The following HDAC4 variants were observed in gnomAD, a reference collection of about 807,000 sequenced individuals.
HDAC4 encodes the protein histone deacetylase 4, also known as histone deacetylase A.
Under a neutral mutation model 135.1 loss-of-function variants are expected in HDAC4, and 16 were observed. The observed-to-expected ratio is 0.12, with a 90% CI of 0.08 to 0.18. HDAC4 has a LOEUF of 0.18. HDAC4 is among the 10% of genes least tolerant of loss of function. HDAC4 has a pLI of 1.00. For synonymous variants in HDAC4, 685 were observed against 653.4 expected (o/e 1.05, Z -0.74); for missense variants, 1,143 against 1,511.8 (o/e 0.76, Z 4.05).
At chr2:239,187,318 T>C (rs1229980483) in intron 4 of HDAC4, among the ~76,000 whole-genome samples, 3 of 152,308 alleles carry the variant, frequency 2.0e-5, no homozygotes, top group African/African-American at 7.2e-5. Context: ...GTTGCCAACA[T>C]GCAGAATACG....
At chr2:239,333,304 C>T (rs988698285) in intron 2 of HDAC4, among the ~76,000 whole-genome samples, 3 of 151,972 alleles carry the variant, frequency 2.0e-5, no homozygotes, top group Non-Finnish European at 2.9e-5. Flanking sequence ...GGGAAAAAAA[C>T]GTGCAATAGA....
intron 6 of HDAC4, chr2:239,162,174 T>C (rs1160195194): frequency 2.2e-6 from 1 of 456,680 alleles, no homozygotes; most frequent in Non-Finnish European, 4.4e-6. Context: ...TCCCAGACTC[T>C]GTGCTCCTCT....
intron 17 of HDAC4, among the ~76,000 whole-genome samples, chr2:239,093,356 A>G (rs1433983669): frequency 6.6e-6 from 1 of 152,096 alleles, no homozygotes; most frequent in Non-Finnish European, 1.5e-5. Flanking sequence ...GTGTGCCCAC[A>G]CTTCGGCTCC....
chr2:239,236,526 G>A, intron 3 of HDAC4, 67 bp downstream of exon 3: 2 of 1,275,414 alleles, frequency 1.6e-6, no homozygotes, highest in Non-Finnish European at 2.2e-6. Flanking sequence ...CAATAAGGCA[G>A]AGCGTCTGAA....
rs1322123802 is a variant in HDAC4, at chr2:239,239,010, C to A, written c.23-2346G>T. ...CAGCATGTGGATTCCCTGCGTAAAC[C>A]AGACCTTGACCTTAACATGTCCAAT... is the stretch of plus-strand genomic sequence containing the variant. On this transcript the variant is annotated intron_variant, in intron 2 of 26. Transcript: ENST00000543185. Among the ~76,000 whole-genome samples, 4 of 152,198 alleles carry A rather than the reference C, an allele frequency of 2.6e-5. No homozygotes were observed. In the East Asian group the frequency reaches 7.7e-4, roughly 29 times the overall value.
At chr2:239,058,464 T>C (rs972958260) in intron 24 of HDAC4, among the ~76,000 whole-genome samples, 3 of 152,220 alleles carry the variant, frequency 2.0e-5, no homozygotes, top group East Asian at 1.9e-4. Flanking sequence ...AAATAATATA[T>C]TGCCCAGGCT....
At chr2:239,106,485 T>C (rs2038143956) in intron 15 of HDAC4, among the ~76,000 whole-genome samples, 1 of 152,094 alleles carries the variant, frequency 6.6e-6, no homozygotes, top group South Asian at 2.1e-4. Flanking sequence ...GCAGCCAGTG[T>C]CTGCTGGGCA....
Position 239,054,850 on chromosome 2 carries a change from A to G in HDAC4, c.3004-17T>C, listed in dbSNP as rs188930103. On this transcript the variant is annotated splice_polypyrimidine_tract_variant and intron_variant, in intron 24 of 26. Transcript: ENST00000543185. ...AGGATCAAGCTGGAAGAAAATGCAT[A>G]AGAATATAAAGACTGCCAATATAAT... 511 of 1,534,912 alleles carry G rather than the reference A, an allele frequency of 3.3e-4. 1 individual carries two copies. In the African/African-American group the frequency reaches 6.5e-3, roughly 19 times the overall value.
chr2:239,163,967 C>T (rs776843535), intron 5 of HDAC4, 44 bp from the exon 6 acceptor site: 11 of 1,612,964 alleles, frequency 6.8e-6, no homozygotes, highest in Non-Finnish European at 9.3e-6. Flanking sequence ...TGTGGCTCTG[C>T]CCTACAGCAG....
intron 22 of HDAC4, among the ~76,000 whole-genome samples, chr2:239,077,311 A>T (rs2152665257): frequency 1.3e-5 from 2 of 152,316 alleles, no homozygotes; most frequent in South Asian, 4.1e-4. Context: ...GTCCCGTGCC[A>T]GGCTCGTTCT....
chr2:239,352,576 C>T lies in HDAC4; in HGVS notation c.22+102G>A, dbSNP rs1693236982. 5 of 1,177,268 alleles carry T rather than the reference C, an allele frequency of 4.2e-6. No homozygotes were observed. Among genetic ancestry groups the T allele is most frequent in the Non-Finnish European group, 6.2e-6 (5 of 806,728 alleles). The allele number at this position is 1,177,268 out of a possible 1,614,324, so 72.9% of individuals were successfully genotyped here. ...CAACAGTGACCACTATCAAGAAAAACAAAAGTCTCAAATCCAGAAAGCAAG... is the reference window on the plus strand; with the variant it reads ...CAACAGTGACCACTATCAAGAAAAATAAAAGTCTCAAATCCAGAAAGCAAG... On this transcript the variant is annotated intron_variant, in intron 2 of 26. Transcript: ENST00000543185. The surrounding 1 kb of genome is among the most constrained non-coding windows in gnomAD (Gnocchi z 4.4).
intron 3 of HDAC4, among the ~76,000 whole-genome samples, chr2:239,209,871 G>T (rs1050027053): frequency 3.9e-5 from 6 of 152,310 alleles, no homozygotes; most frequent in African/African-American, 1.4e-4. Context: ...GACAGCAGGG[G>T]AAACAAAGGA....
intron 3 of HDAC4, 97 bp from the exon 4 acceptor site, chr2:239,190,174 C>CGGGGGGGGG: frequency 1.5e-5 from 16 of 1,070,242 alleles, no homozygotes; most frequent in South Asian, 1.8e-5. Context: ...CTTCACGGGG[C>CGGGGGGGGG]GGGGGGGGGG....
In HDAC4 at chr2:239,309,872, G is replaced by A. The variant is rs1015285510; in HGVS notation, c.22+42806C>T. 6.6e-6 allele frequency among the ~76,000 whole-genome samples: 1 copy of A among 152,240 alleles called. No homozygotes were observed. Among genetic ancestry groups the A allele is most frequent in the African/African-American group, 2.4e-5 (1 of 41,470 alleles). On this transcript the variant is annotated intron_variant, in intron 2 of 26. Coordinates refer to ENST00000543185, the MANE Select transcript of HDAC4 (RefSeq NM_001378414.1). This position sits in a 1 kb window ranked among gnomAD's most constrained non-coding sequence, Gnocchi z 4.2. ...GGAGGCCAGCAGCCCCTAGCAGAAGGGTGTTCTGGAAGCTGCCCCCTCCCA... is the reference window on the plus strand; with the variant it reads ...GGAGGCCAGCAGCCCCTAGCAGAAGAGTGTTCTGGAAGCTGCCCCCTCCCA...
At chr2:239,246,375 C>G (rs1222829456) in intron 2 of HDAC4, among the ~76,000 whole-genome samples, 1 of 152,176 alleles carries the variant, frequency 6.6e-6, no homozygotes, top group Non-Finnish European at 1.5e-5. Flanking sequence ...GGAGAAGCAC[C>G]GGGGTTGCTG....
intron 2 of HDAC4, among the ~76,000 whole-genome samples, chr2:239,332,882 C>T (rs1307024972): frequency 2.7e-5 from 4 of 149,134 alleles, no homozygotes; most frequent in African/African-American, 4.9e-5. Flanking sequence ...AAGGGGATGA[C>T]ACTACAAATC....
intron 2 of HDAC4, among the ~76,000 whole-genome samples, chr2:239,264,064 G>T (rs936505749): frequency 6.6e-6 from 1 of 152,052 alleles, no homozygotes; most frequent in Non-Finnish European, 1.5e-5. Context: ...AACAAAAGGG[G>T]GAAGACACAG....
At chr2:239,250,135 C>T (rs948623956) in intron 2 of HDAC4, among the ~76,000 whole-genome samples, 4 of 152,266 alleles carry the variant, frequency 2.6e-5, no homozygotes, top group African/African-American at 9.6e-5. Flanking sequence ...TATGAGGATG[C>T]GTGGATGTCC....
chr2:239,317,512 C>T lies in HDAC4; in HGVS notation c.22+35166G>A, dbSNP rs540992200. Among the ~76,000 whole-genome samples the T allele has an allele frequency of 5.8e-4, 88 of 152,112 alleles. 1 individual carries two copies. In the Middle Eastern group the frequency reaches 0.01, roughly 18 times the overall value. On this transcript the variant is annotated intron_variant, in intron 2 of 26. Transcript: ENST00000543185. ...AAGAGAGTAAAGAAGGGTCCCAAAACGGGAGGGACCTGCCAGAAACGCCAG... is the reference window on the plus strand; with the variant it reads ...AAGAGAGTAAAGAAGGGTCCCAAAATGGGAGGGACCTGCCAGAAACGCCAG...
Sources: gnomAD v4.1 joint callset for allele counts (sites outside exome capture counted in the v4.1 genomes callset) on GRCh38, gnomAD v4.1.1 for gene constraint, Gnocchi (gnomAD v3.1) non-coding constraint, MANE v1.5 for transcripts, NCBI Gene and HGNC (gene_info 2026-07-23, HGNC 2026-07-21) for gene names.